SASS6: variants seen among roughly 807,000 people sequenced by gnomAD.
The protein encoded by SASS6 is SAS-6 centriolar assembly protein, also known as spindle assembly abnormal protein 6 homolog.
A neutral mutation model predicts 94.9 loss-of-function variants in SASS6; 59 were observed. That is an observed-to-expected ratio of 0.62 (90% CI 0.50 to 0.77). The LOEUF (loss-of-function observed/expected upper bound fraction) is 0.77. Ranked by LOEUF, SASS6 falls within the 30% of genes least tolerant of loss-of-function variation. The probability of loss-of-function intolerance (pLI) is 0.00; values close to 1 mark genes in which losing one functional copy is unlikely to be tolerated. For missense variants in SASS6, 698 were observed against 734.1 expected (o/e 0.95, Z 0.57); for synonymous variants, 264 against 270.0 (o/e 0.98, Z 0.22).
At chr1:100,094,461 A>T (rs182258007) in intron 14 of SASS6, among the ~76,000 whole-genome samples, 116 of 152,360 alleles carry the variant, frequency 7.6e-4, no homozygotes, top group Non-Finnish European at 1.5e-3. Context: ...TTATGAGGCC[A>T]GTATTGTCCT....
intron 12 of SASS6, 142 bp downstream of exon 12, chr1:100,106,770 C>G: frequency 1.8e-6 from 1 of 544,512 alleles, no homozygotes. Flanking sequence ...GGGAGGATAA[C>G]TTGAACCAAA....
At chr1:100,123,390 A>G (rs1654350031) in intron 2 of SASS6, 101 bp from the exon 3 acceptor site, 1 of 588,520 alleles carries the variant, frequency 1.7e-6, no homozygotes, top group South Asian at 2.1e-5. Flanking sequence ...AGTGTATCAT[A>G]GTTATATTGC....
chr1:100,109,204 G>A (rs560858299), intron 8 of SASS6, among the ~76,000 whole-genome samples: 61 of 152,088 alleles, frequency 4.0e-4, no homozygotes, highest in Middle Eastern at 6.8e-3. Flanking sequence ...AGTGTATGCA[G>A]GAAAAACAGA....
At chr1:100,107,328 G>A (rs1026263443) in intron 11 of SASS6, 46 bp downstream of exon 11, 5 of 1,223,032 alleles carry the variant, frequency 4.1e-6, no homozygotes, top group Non-Finnish European at 5.8e-6. Flanking sequence ...TTTTTAAAAC[G>A]AGGAAAAAAT....
chr1:100,100,447 C>T (rs981916755), intron 14 of SASS6, among the ~76,000 whole-genome samples: 10 of 152,168 alleles, frequency 6.6e-5, no homozygotes, highest in African/African-American at 2.4e-4. Flanking sequence ...AACAGACATT[C>T]ATTAAATACT....
intron 7 of SASS6, among the ~76,000 whole-genome samples, chr1:100,112,339 G>A (rs1425110575): frequency 6.6e-6 from 1 of 152,054 alleles, no homozygotes; most frequent in Non-Finnish European, 1.5e-5. Flanking sequence ...ATGAAATATA[G>A]AAGTCAGAAT....
chr1:100,113,238 T>C (rs1653491615), intron 7 of SASS6, among the ~76,000 whole-genome samples: 1 of 152,074 alleles, frequency 6.6e-6, no homozygotes. Flanking sequence ...TTAAGCAATA[T>C]ATCCAGTAAC....
In SASS6 at chr1:100,108,013, G is replaced by C. The variant is rs201202918; in HGVS notation, c.862-9C>G. The C allele has an allele frequency of 6.5e-7, 1 of 1,543,658 alleles. No individual in the cohort carries two copies. Among genetic ancestry groups the C allele is most frequent in the South Asian group, 1.2e-5 (1 of 81,178 alleles). ...TTAGTCCGCTGTAGCTCCTAGAATG[G>C]GAAAAGAAAGAAATTAAGCATTATG... On this transcript the variant is annotated splice_polypyrimidine_tract_variant and intron_variant, in intron 8 of 16. Coordinates refer to ENST00000287482, the MANE Select transcript of SASS6 (RefSeq NM_194292.3).
rs1259780617 is a variant in SASS6 at position 100,119,105 on chromosome 1, C to T, written c.582G>A (p.Lys194=). The change falls in exon 7 of 17, where the codon AAG becomes AAA. Residue 194 remains lysine (K), a synonymous_variant. Coordinates refer to ENST00000287482, the MANE Select transcript of SASS6 (RefSeq NM_194292.3). ...TLAEKKQELD[K]LRNEWASHTA... ...TATGTGACGCCCATTCATTCCGTAA[C>T]TTATCTAATTCTTGTTTTTTTTCTG... 1 of 1,575,670 alleles carries T rather than the reference C, an allele frequency of 6.3e-7. No homozygotes were observed.
At chr1:100,087,992 G>C (rs1419601609) in intron 15 of SASS6, 147 bp downstream of exon 15, 7 of 482,028 alleles carry the variant, frequency 1.5e-5, no homozygotes, top group Non-Finnish European at 2.7e-5. Flanking sequence ...TTATAGCTAA[G>C]AGTAATTCAA....
rs535203206 is a variant in SASS6, at chr1:100,126,709, G to A, written c.66-767C>T. Among the ~76,000 whole-genome samples the A allele has an allele frequency of 2.0e-5, 3 of 152,252 alleles. No homozygotes were observed. The East Asian group carries it at 5.8e-4, about 29-fold the overall frequency. On this transcript the variant is annotated intron_variant, in intron 1 of 16. Coordinates refer to ENST00000287482, the MANE Select transcript of SASS6 (RefSeq NM_194292.3). ...GGAGAAATGCGGAACCTGGTAGGCA[G>A]AGGCTGCAGTGAGCCAATACTGCAC...
rs1651003249 is a variant in SASS6 at position 100,083,652 on chromosome 1, ATGTACAATTTTACACTGCAAAACAAT to A, written c.*1650_*1675del. On this transcript the variant is annotated 3_prime_UTR_variant, in exon 17 of 17. Coordinates refer to ENST00000287482, the MANE Select transcript of SASS6 (RefSeq NM_194292.3). ...TGCAACACTTTTTGATTATTAACACATGTACAATTTTACACTGCAAAACAATTGCAACTAAAAGTTTAGGAGGTAAA... is the reference window on the plus strand; with the variant it reads ...TGCAACACTTTTTGATTATTAACACATGCAACTAAAAGTTTAGGAGGTAAA... 6.6e-6 allele frequency: 1 copy of A among 151,928 alleles called. No individual in the cohort carries two copies. Among genetic ancestry groups the A allele is most frequent in the African/African-American group, 2.4e-5 (1 of 41,316 alleles). 9.4% of individuals were successfully genotyped at this position (151,928 alleles called of 1,614,324 possible).
In SASS6 at chr1:100,126,638, G is replaced by A. The variant is rs184201204; in HGVS notation, c.66-696C>T. On this transcript the variant is annotated intron_variant, in intron 1 of 16. Coordinates refer to ENST00000287482, the MANE Select transcript of SASS6 (RefSeq NM_194292.3). ...CAAAAAATACAAAAACAAGCCAGGC[G>A]TGGTGGCACCCACCTGTAGTCCCAG... Among the ~76,000 whole-genome samples, 221 of 152,214 alleles carry A rather than the reference G, an allele frequency of 1.5e-3. 2 individuals are homozygous for A. Among genetic ancestry groups the A allele is most frequent in the Non-Finnish European group, 1.7e-3 (119 of 68,014 alleles).
At chr1:100,090,662 T>G (rs779465198) in intron 14 of SASS6, among the ~76,000 whole-genome samples, 1 of 152,116 alleles carries the variant, frequency 6.6e-6, no homozygotes, top group Non-Finnish European at 1.5e-5. Context: ...TCTTCCCTAC[T>G]TTTCTACTCT....
In SASS6 at chr1:100,122,449, A is replaced by G; in HGVS notation, c.242T>C (p.Leu81Ser). Reference sequence around the variant, plus strand: ...ATCTATAAATTTTTGTGGGAAAGCTAAGAAGTCTACCAGAAGACCTTGCTG... The same window carrying G: ...ATCTATAAATTTTTGTGGGAAAGCTGAGAAGTCTACCAGAAGACCTTGCTG... The part of the protein sequence containing the change: ...KFQQGLLVDF[L>S]AFPQKFIDLL... The change falls in exon 4 of 17, where the codon TTA becomes TCA. Residue 81 changes from leucine to serine, a missense_variant. Physicochemically the swap from Leu to Ser is moderately radical, Grantham distance 145. Transcript: ENST00000287482. The G allele has an allele frequency of 6.3e-7, 1 of 1,577,956 alleles. No homozygotes were observed. The highest frequency in any genetic ancestry group is 8.7e-7 in the Non-Finnish European group (1 of 1,148,670).
chr1:100,110,602 T>C (rs1653252076), intron 7 of SASS6, 119 bp from the exon 8 acceptor site: 1 of 516,076 alleles, frequency 1.9e-6, no homozygotes, highest in Non-Finnish European at 3.2e-6. Flanking sequence ...CTTTTTTGTC[T>C]TAATTTTGTC....
chr1:100,131,216 G>A (rs1654994740), intron 1 of SASS6, among the ~76,000 whole-genome samples: 1 of 150,548 alleles, frequency 6.6e-6, no homozygotes, highest in Non-Finnish European at 1.5e-5. Context: ...TCAGAGACAG[G>A]ATCTCGCTCT....
At position 100,125,543 on chromosome 1, in the gene SASS6, G is replaced by C. The variant is rs548265023; in HGVS notation, c.126+339C>G. ...AAAATACAAAAATTAGCTGGGCGTGGTGGTGCATGCCTGTAGTCCCAGCTA... is the reference window on the plus strand; with the variant it reads ...AAAATACAAAAATTAGCTGGGCGTGCTGGTGCATGCCTGTAGTCCCAGCTA... On this transcript the variant is annotated intron_variant, in intron 2 of 16. Coordinates refer to ENST00000287482, the MANE Select transcript of SASS6 (RefSeq NM_194292.3). 1.2e-3 allele frequency among the ~76,000 whole-genome samples: 189 copies of C among 151,430 alleles called. 1 individual carries two copies. The highest frequency in any genetic ancestry group is 1.8e-3 in the Non-Finnish European group (124 of 67,890).
intron 14 of SASS6, among the ~76,000 whole-genome samples, chr1:100,097,107 ACT>A (rs1378061640): frequency 1.3e-5 from 2 of 152,074 alleles, no homozygotes; most frequent in Admixed American, 6.6e-5. Context: ...AGAGCAAGAC[ACT>A]GTCTCAATAA....
Sources: gnomAD v4.1 joint callset for allele counts (sites outside exome capture counted in the v4.1 genomes callset) on GRCh38, gnomAD v4.1.1 for gene constraint, MANE v1.5 for transcripts, NCBI Gene and HGNC (gene_info 2026-07-23, HGNC 2026-07-21) for gene names.